Variants in CEP170B observed in about 807,000 individuals in gnomAD.
CEP170B encodes the protein centrosomal protein of 170 kDa protein B.
CEP170B carries 55 observed loss-of-function variants against 120.6 expected under a neutral mutation model. The observed-to-expected ratio is 0.46, with a 90% confidence interval of 0.37 to 0.57. The LOEUF (loss-of-function observed/expected upper bound fraction) is 0.57, where lower values mean the gene tolerates loss of function less well. Ranked by LOEUF, CEP170B falls within the 20% of genes least tolerant of loss-of-function variation. The pLI, the probability that CEP170B is intolerant of heterozygous loss-of-function variation, is 0.00. For synonymous variants in CEP170B, 1,033 were observed against 954.5 expected (o/e 1.08, Z -1.52); for missense variants, 2,212 against 2,253.3 (o/e 0.98, Z 0.37).
chr14:104,876,251 T>A lies in CEP170B; in HGVS notation c.106-5T>A. 6.4e-7 allele frequency: 1 copy of A among 1,550,450 alleles called. No homozygotes were observed. The highest frequency in any genetic ancestry group is 1.2e-5 in the South Asian group (1 of 84,054). ...CACCTGAGGGCTGGCTGTGTGTCTCTCCAGTCCCGCAGCGTGGACAAGCAG... is the reference window on the plus strand; with the variant it reads ...CACCTGAGGGCTGGCTGTGTGTCTCACCAGTCCCGCAGCGTGGACAAGCAG... On this transcript the variant is annotated splice_polypyrimidine_tract_variant and splice_region_variant and intron_variant, in intron 2 of 18. Transcript: ENST00000414716.
chr14:104,894,918 AC>A lies in CEP170B; in HGVS notation c.4629del (p.Thr1544ProfsTer10). 6.3e-7 allele frequency: 1 copy of A among 1,594,506 alleles called. No individual in the cohort carries two copies. The highest frequency in any genetic ancestry group is 8.5e-7 in the Non-Finnish European group (1 of 1,171,076). ...RASCGPPSLP[D>X]PTFLPDAERF... ...AGCTGTGGGCCTCCCAGCCTCCCGG[AC>A]CCCACCTTCCTCCCTGATGCCGAGA... On this transcript the variant is annotated frameshift_variant, in exon 19 of 19. Coordinates refer to ENST00000414716, the MANE Select transcript of CEP170B (RefSeq NM_001112726.3). LOFTEE classifies it high-confidence loss of function.
intron 2 of CEP170B, among the ~76,000 whole-genome samples, chr14:104,872,199 G>A (rs61995990): frequency 0.42 from 59,411 of 140,356 alleles, 14,974 homozygotes; most frequent in Middle Eastern, 0.68. Flanking sequence ...TGTGTGTGCC[G>A]TGGGTGTGCG....
intron 6 of CEP170B, among the ~76,000 whole-genome samples, chr14:104,881,172 C>T (rs533827198): frequency 2.0e-5 from 3 of 152,004 alleles, no homozygotes; most frequent in South Asian, 2.1e-4. Context: ...GTCAGTGCAG[C>T]GGGTAGGCAG....
rs1385817898 is a variant in CEP170B, at chr14:104,865,808, G to T, written c.-28+295G>T. Among the ~76,000 whole-genome samples, 1 of 152,062 alleles carries T rather than the reference G, an allele frequency of 6.6e-6. No homozygotes were observed. The highest frequency in any genetic ancestry group is 1.5e-5 in the Non-Finnish European group (1 of 67,964). On this transcript the variant is annotated intron_variant, in intron 1 of 18. Transcript: ENST00000414716. This position sits in a 1 kb window ranked among gnomAD's most constrained non-coding sequence, Gnocchi z 6.7. ...GCTCGGCCATGGCCGCCCCCGGAGA[G>T]CGCTGATTCAGAAGGCGCCGCTCCC...
chr14:104,881,136 A>G (rs1034183015), intron 6 of CEP170B, among the ~76,000 whole-genome samples: 41 of 152,134 alleles, frequency 2.7e-4, no homozygotes, highest in Non-Finnish European at 1.2e-4. Flanking sequence ...GTGGTTTCTG[A>G]TGAAACCTGA....
In CEP170B at chr14:104,887,639, G is replaced by A. The variant is rs755273749; in HGVS notation, c.3400G>A (p.Ala1134Thr). The change falls in exon 12 of 19, where the codon GCT becomes ACT. Residue 1134 changes from alanine to threonine, a missense_variant. By Grantham distance (58) the Ala-to-Thr change is moderately conservative. This residue lies in a region of CEP170B where 2,166 missense variants were observed against 2,166.7 expected (regional missense o/e 1.00). Coordinates refer to ENST00000414716, the MANE Select transcript of CEP170B (RefSeq NM_001112726.3). ...GCTGAGGCGGGCCCGGCTGGGGGAC[G>A]CTTCAGACACTGAGGCTGCGGATGG... ...SRLRRARLGD[A>T]SDTEAADGER... The A allele has an allele frequency of 9.6e-6, 15 of 1,558,424 alleles. No individual in the cohort carries two copies. In the African/African-American group the frequency reaches 1.1e-4, roughly 11 times the overall value.
rs1896972004 is a variant in CEP170B, at chr14:104,893,957, G to A, written c.4271+108G>A. 1.3e-5 allele frequency: 13 copies of A among 1,007,884 alleles called. No homozygotes were observed. In the South Asian group the frequency reaches 1.3e-4, roughly 10 times the overall value. 62.4% of individuals were successfully genotyped at this position (1,007,884 alleles called of 1,614,324 possible). A position where few individuals can be genotyped will look rare whatever the true frequency, so the allele number is the denominator to read the frequency against. On this transcript the variant is annotated intron_variant, in intron 16 of 18. Coordinates refer to ENST00000414716, the MANE Select transcript of CEP170B (RefSeq NM_001112726.3). Reference sequence around the variant, plus strand: ...AAGGGCAGCGGTTTCATGGGTACTCGTGTGCACCTGTGGAGCAGCCCTCCC... The same window carrying A: ...AAGGGCAGCGGTTTCATGGGTACTCATGTGCACCTGTGGAGCAGCCCTCCC...
intron 9 of CEP170B, 92 bp from the exon 10 acceptor site, chr14:104,885,277 C>T: frequency 7.2e-7 from 1 of 1,390,496 alleles, no homozygotes; most frequent in Non-Finnish European, 9.5e-7. Flanking sequence ...GGTCCCTGCT[C>T]TCCCTGTGGC....
intron 14 of CEP170B, 32 bp downstream of exon 14, chr14:104,893,167 C>A: frequency 6.3e-7 from 1 of 1,594,474 alleles, no homozygotes; most frequent in Non-Finnish European, 8.5e-7. Context: ...GCCCCTGTGC[C>A]AGAGCCACCC....
At chr14:104,875,210 C>T (rs1348693133) in intron 2 of CEP170B, among the ~76,000 whole-genome samples, 1 of 152,214 alleles carries the variant, frequency 6.6e-6, no homozygotes, top group Non-Finnish European at 1.5e-5. Flanking sequence ...GGACTTCCAG[C>T]TCCTAGTCGT....
intron 12 of CEP170B, among the ~76,000 whole-genome samples, 169 bp downstream of exon 12, chr14:104,888,147 A>G (rs980285611): frequency 3.9e-5 from 6 of 152,168 alleles, no homozygotes; most frequent in African/African-American, 1.2e-4. Flanking sequence ...GTGCACACAC[A>G]CACGTGCATG....
chr14:104,876,425 T>A (rs1480616793), intron 3 of CEP170B, 80 bp downstream of exon 3: 2 of 1,344,610 alleles, frequency 1.5e-6, no homozygotes, highest in Non-Finnish European at 2.1e-6. Flanking sequence ...TTCTGGCTCC[T>A]CCCCCAGTCA....
Position 104,887,478 on chromosome 14 carries a change from G to A in CEP170B, c.3239G>A (p.Arg1080Gln), listed in dbSNP as rs372887006. The stretch of plus-strand genomic sequence containing the variant: ...GGGGCAGGACGGCTAGGTTCTCGCC[G>A]GAAACCAGCGGCCCCACCGCCATCC... ...ATGAGRLGSR[R>Q]KPAAPPPSPA... The change falls in exon 12 of 19, where the codon CGG (arginine) becomes CAG (glutamine). Residue 1080 changes from arginine (R) to glutamine (Q), a missense_variant. By Grantham distance (43) the Arg-to-Gln change is conservative. Around this residue, in one of 2 missense-constraint regions of CEP170B, gnomAD observed 2,166 missense variants for 2,166.7 expected, o/e 1.00. Coordinates refer to ENST00000414716, the MANE Select transcript of CEP170B (RefSeq NM_001112726.3). 68 of 1,611,726 alleles carry A rather than the reference G, an allele frequency of 4.2e-5. No individual in the cohort carries two copies. Among genetic ancestry groups the A allele is most frequent in the South Asian group, 8.8e-5 (8 of 90,964 alleles).
At chr14:104,889,893 GATGGATGGACAA>G (rs1409869562) in intron 13 of CEP170B, 135 bp downstream of exon 13, 1 of 806,582 alleles carries the variant, frequency 1.2e-6, no homozygotes, top group Non-Finnish European at 1.9e-6. Context: ...TGGCTGGCTG[GATGGATGGACAA>G]ATGGATGGAT....
rs541544014 is a variant in CEP170B, at chr14:104,883,566, G to T, written c.1051+58G>T. On this transcript the variant is annotated intron_variant, in intron 8 of 18. Coordinates refer to ENST00000414716, the MANE Select transcript of CEP170B (RefSeq NM_001112726.3). ...GGGACAGGCAGGGGACCGGACTTTGGCTGGGTCTGCACTGTTGCCATGCAG... is the reference window on the plus strand; with the variant it reads ...GGGACAGGCAGGGGACCGGACTTTGTCTGGGTCTGCACTGTTGCCATGCAG... 2.0e-5 allele frequency: 29 copies of T among 1,467,708 alleles called. No individual in the cohort carries two copies. The South Asian group carries it at 3.7e-4, about 18-fold the overall frequency. The allele number at this position is 1,467,708 out of a possible 1,614,324, so 90.9% of individuals were successfully genotyped here. A position where few individuals can be genotyped will look rare whatever the true frequency, so the allele number is the denominator to read the frequency against.
In CEP170B at chr14:104,894,946, G is replaced by C; in HGVS notation, c.4653G>C (p.Arg1551Ser). The C allele has an allele frequency of 6.3e-7, 1 of 1,585,882 alleles. No homozygotes were observed. Among genetic ancestry groups the C allele is most frequent in the Non-Finnish European group, 8.6e-7 (1 of 1,165,304 alleles). ...PDPTFLPDAE[R>S]FLI ...CCACCTTCCTCCCTGATGCCGAGAG[G>C]TTCCTGATCTAGGCCCCAGACCTGG... The change falls in exon 19 of 19, where the codon AGG (arginine) becomes AGC (serine). Residue 1551 changes from arginine to serine, a missense_variant. Physicochemically the swap from Arg to Ser is moderately radical, Grantham distance 110. Transcript: ENST00000414716.
chr14:104,894,332 G>C lies in CEP170B; in HGVS notation c.4319G>C (p.Arg1440Thr), dbSNP rs1175180781. 3 of 1,613,692 alleles carry C rather than the reference G, an allele frequency of 1.9e-6. No homozygotes were observed. The highest frequency in any genetic ancestry group is 2.5e-6 in the Non-Finnish European group (3 of 1,179,886). Residue 1440 changes from arginine to threonine, a missense_variant, in exon 17 of 19, where the codon AGG becomes ACG. Transcript: ENST00000414716. ...AGAGCTTGGGAGGACCTGGAAGCCAGGATCAACGCCGAGAACGAGGTGCCC... is the reference window on the plus strand; with the variant it reads ...AGAGCTTGGGAGGACCTGGAAGCCACGATCAACGCCGAGAACGAGGTGCCC... The part of the protein sequence containing the change: ...TGRAWEDLEA[R>T]INAENEVPIL...
intron 2 of CEP170B, among the ~76,000 whole-genome samples, chr14:104,869,181 AG>A (rs1162490429): frequency 1.3e-5 from 2 of 152,198 alleles, no homozygotes; most frequent in African/African-American, 4.8e-5. Flanking sequence ...AACAAAGAGC[AG>A]GGGTGGTGAG....
rs769809081 is a variant in CEP170B at position 104,887,435 on chromosome 14, G to A, written c.3196G>A (p.Glu1066Lys). The A allele has an allele frequency of 5.6e-6, 9 of 1,611,364 alleles. No homozygotes were observed. The highest frequency in any genetic ancestry group is 3.3e-5 in the South Asian group (3 of 90,950). The change falls in exon 12 of 19, where the codon GAA becomes AAA. Residue 1066 changes from glutamate to lysine, a missense_variant. Physicochemically the swap from Glu to Lys is moderately conservative, Grantham distance 56. Coordinates refer to ENST00000414716, the MANE Select transcript of CEP170B (RefSeq NM_001112726.3). ...CTCAGATGTGATGGCCTCCAACCAC[G>A]AAACCCCTGAGGCCACCGGGGCAGG... ...PSSDVMASNH[E>K]TPEATGAGRL...
Sources: gnomAD v4.1 joint callset for allele counts (sites outside exome capture counted in the v4.1 genomes callset) on GRCh38, gnomAD v4.1.1 for gene constraint, gnomAD v4.1.1 regional missense constraint, Gnocchi (gnomAD v3.1) non-coding constraint, MANE v1.5 for transcripts, NCBI Gene and HGNC (gene_info 2026-07-23, HGNC 2026-07-21) for gene names.